SLC17A8: variants seen among roughly 807,000 people sequenced by gnomAD.
The protein encoded by SLC17A8 is vesicular glutamate transporter 3.
SLC17A8 carries 31 observed loss-of-function variants against 58.0 expected under a neutral mutation model. That is an observed-to-expected ratio of 0.53 (90% CI 0.40 to 0.72). The LOEUF (loss-of-function observed/expected upper bound fraction) is 0.72. Ranked by LOEUF, SLC17A8 falls within the 30% of genes least tolerant of loss-of-function variation. The pLI is 0.00. For synonymous variants in SLC17A8, 228 were observed against 249.0 expected, an observed-to-expected ratio of 0.92 and a Z score of 0.79; for missense variants, 655 against 727.8, an observed-to-expected ratio of 0.90 and a Z score of 1.15.
chr12:100,420,140 A>T lies in SLC17A8; in HGVS notation c.1751A>T (p.Asn584Ile). Residue 584 changes from asparagine (N) to isoleucine (I), a missense_variant, in exon 12 of 12, where the codon AAC becomes ATC. Asn to Ile is a moderately radical substitution (Grantham distance 149, BLOSUM62 -3). Coordinates refer to ENST00000323346, the MANE Select transcript of SLC17A8 (RefSeq NM_139319.3). ...ELTSYQNEER[N>I]FSTIS ...ACATCCTACCAGAATGAAGAGAGAA[A>T]CTTCTCAACTATATCCTAATGTCTG... is the stretch of plus-strand genomic sequence containing the variant. 1 of 1,613,144 alleles carries T rather than the reference A, an allele frequency of 6.2e-7. No individual in the cohort carries two copies. The highest frequency in any genetic ancestry group is 1.1e-5 in the South Asian group (1 of 90,858).
chr12:100,400,063 G>A (rs1952780890), intron 5 of SLC17A8, among the ~76,000 whole-genome samples: 1 of 152,080 alleles, frequency 6.6e-6, no homozygotes, highest in Non-Finnish European at 1.5e-5. Flanking sequence ...AAAGTCATAG[G>A]TACAGTATAC....
At chr12:100,367,353 TA>T (rs1952526793) in intron 1 of SLC17A8, among the ~76,000 whole-genome samples, 1 of 152,270 alleles carries the variant, frequency 6.6e-6, no homozygotes, top group South Asian at 2.1e-4. Flanking sequence ...CCAATTTAAT[TA>T]TCAGTAATTC....
intron 1 of SLC17A8, among the ~76,000 whole-genome samples, chr12:100,373,354 C>T (rs1209350476): frequency 1.5e-5 from 2 of 130,282 alleles, no homozygotes; most frequent in South Asian, 5.5e-4. Flanking sequence ...GTCTCCTCCC[C>T]TTTTTATAAA....
intron 9 of SLC17A8, among the ~76,000 whole-genome samples, chr12:100,407,183 CAA>C (rs764541977): frequency 6.6e-6 from 1 of 152,122 alleles, no homozygotes; most frequent in Non-Finnish European, 1.5e-5. Flanking sequence ...AGAAGTTTTT[CAA>C]AGAGTTCTTT....
At chr12:100,385,688 A>T (rs1391522070) in intron 2 of SLC17A8, among the ~76,000 whole-genome samples, 3 of 152,246 alleles carry the variant, frequency 2.0e-5, no homozygotes, top group Non-Finnish European at 4.4e-5. Flanking sequence ...CATTGCCCTT[A>T]TTGTGAAATG....
chr12:100,361,633 T>A (rs1006373688), intron 1 of SLC17A8, among the ~76,000 whole-genome samples: 7 of 152,102 alleles, frequency 4.6e-5, no homozygotes, highest in Non-Finnish European at 1.0e-4. Context: ...TTTAATGAGC[T>A]CTTCCTGAAA....
rs76372830 is a variant in SLC17A8, at chr12:100,401,496, C to T, written c.677-281C>T. On this transcript the variant is annotated intron_variant, in intron 5 of 11. Transcript: ENST00000323346. ...AAAATTTCTCTTAGATTTTTTTCATCTTCTGATTCCATTCTCTCATGTAAT... is the reference window on the plus strand; with the variant it reads ...AAAATTTCTCTTAGATTTTTTTCATTTTCTGATTCCATTCTCTCATGTAAT... 0.044 allele frequency among the ~76,000 whole-genome samples: 6,666 copies of T among 151,888 alleles called. 242 individuals are homozygous for T. The highest frequency in any genetic ancestry group is 0.095 in the African/African-American group (3,941 of 41,400).
At position 100,401,932 on chromosome 12, in the gene SLC17A8, G is replaced by C. The variant is rs545375913; in HGVS notation, c.763+69G>C. 129 of 1,243,770 alleles carry C rather than the reference G, an allele frequency of 1.0e-4. 1 individual carries two copies. Among genetic ancestry groups the C allele is most frequent in the South Asian group, 8.7e-4 (72 of 83,102 alleles). The allele number at this position is 1,243,770 out of a possible 1,614,324, so 77.0% of individuals were successfully genotyped here. A position where few individuals can be genotyped will look rare whatever the true frequency, so the allele number is the denominator to read the frequency against. ...TGGTATTTTACTGCATATGGGTTTGGCTCAGAGTTCATTACATCAAAATAG... is the reference window on the plus strand; with the variant it reads ...TGGTATTTTACTGCATATGGGTTTGCCTCAGAGTTCATTACATCAAAATAG... On this transcript the variant is annotated intron_variant, in intron 6 of 11. Transcript: ENST00000323346.
chr12:100,412,455 A>G (rs1004411174), intron 9 of SLC17A8, among the ~76,000 whole-genome samples: 3 of 152,104 alleles, frequency 2.0e-5, no homozygotes, highest in Admixed American at 2.0e-4. Context: ...CAAATACCTA[A>G]TGCATGTGGG....
At chr12:100,386,935 C>T (rs929180565) in intron 2 of SLC17A8, among the ~76,000 whole-genome samples, 4 of 152,136 alleles carry the variant, frequency 2.6e-5, no homozygotes, top group East Asian at 1.9e-4. Flanking sequence ...GTGATCTACC[C>T]GCCTTGGGCT....
intron 1 of SLC17A8, among the ~76,000 whole-genome samples, chr12:100,379,191 C>T (rs1306492767): frequency 6.6e-6 from 1 of 151,954 alleles, no homozygotes; most frequent in Non-Finnish European, 1.5e-5. Flanking sequence ...AATCCCAGCA[C>T]TTTGGGAGGC....
At chr12:100,407,847 C>A (rs1371707343) in intron 9 of SLC17A8, among the ~76,000 whole-genome samples, 1 of 152,110 alleles carries the variant, frequency 6.6e-6, no homozygotes, top group Non-Finnish European at 1.5e-5. Context: ...ACCTTGTGAT[C>A]CACCCACCTC....
intron 1 of SLC17A8, 56 bp downstream of exon 1, chr12:100,357,548 T>G: frequency 8.8e-7 from 1 of 1,132,844 alleles, no homozygotes; most frequent in Non-Finnish European, 1.3e-6. Context: ...ATTGCCAATG[T>G]GTGAGAGACT....
intron 1 of SLC17A8, among the ~76,000 whole-genome samples, chr12:100,362,417 TG>T (rs1460609352): frequency 6.6e-6 from 1 of 152,158 alleles, no homozygotes; most frequent in Non-Finnish European, 1.5e-5. Flanking sequence ...ATAATAGAGA[TG>T]GGGGTCTCAC....
At chr12:100,377,908 C>G (rs919940209) in intron 1 of SLC17A8, among the ~76,000 whole-genome samples, 2 of 152,176 alleles carry the variant, frequency 1.3e-5, no homozygotes, top group Non-Finnish European at 2.9e-5. Flanking sequence ...AAGATTTTTG[C>G]TGGAGCAACC....
intron 2 of SLC17A8, among the ~76,000 whole-genome samples, chr12:100,381,422 T>C (rs10778051): frequency 0.68 from 103,467 of 152,018 alleles, 37,513 homozygotes; most frequent in East Asian, 0.99. Context: ...ACAGGATTCT[T>C]GGGCTCATAG....
chr12:100,420,820 T>C lies in SLC17A8; in HGVS notation c.*661T>C, dbSNP rs1952943531. On this transcript the variant is annotated 3_prime_UTR_variant, in exon 12 of 12. Coordinates refer to ENST00000323346, the MANE Select transcript of SLC17A8 (RefSeq NM_139319.3). ...ATAATGAAAACTGAAAATGGAGTAA[T>C]TGTGAGTAACTCACCACTTTAGCAG... 1 of 152,530 alleles carries C rather than the reference T, an allele frequency of 6.6e-6. No individual in the cohort carries two copies. Among genetic ancestry groups the C allele is most frequent in the Non-Finnish European group, 1.5e-5 (1 of 68,366 alleles). The allele number at this position is 152,530 out of a possible 1,614,324, so 9.4% of individuals were successfully genotyped here.
At chr12:100,402,841 T>A in intron 8 of SLC17A8, 96 bp downstream of exon 8, 1 of 1,303,082 alleles carries the variant, frequency 7.7e-7, no homozygotes, top group Non-Finnish European at 1.1e-6. Flanking sequence ...TTGCTGATCA[T>A]AATTCATAAC....
intron 1 of SLC17A8, among the ~76,000 whole-genome samples, chr12:100,375,367 A>G (rs942705176): frequency 6.6e-6 from 1 of 151,952 alleles, no homozygotes; most frequent in South Asian, 2.1e-4. Flanking sequence ...TGTAGGAGAG[A>G]GGGAAGGAAG....
Sources: allele counts gnomAD v4.1 joint callset (sites outside exome capture counted in the v4.1 genomes callset), GRCh38; gene constraint gnomAD v4.1.1; transcripts MANE v1.5; gene names NCBI Gene and HGNC (gene_info 2026-07-23, HGNC 2026-07-21).